The following ITGA10 variants were observed in gnomAD, a reference collection of about 807,000 sequenced individuals.
ITGA10 encodes the protein integrin alpha-10.
ITGA10 carries 105 observed loss-of-function variants against 145.2 expected under a neutral mutation model. The ratio of observed to expected loss-of-function variants is 0.72; its 90% CI spans 0.62 to 0.85. ITGA10 has a LOEUF of 0.85. Ranked by LOEUF, ITGA10 falls within the 40% of genes least tolerant of loss-of-function variation. The pLI, the probability that ITGA10 is intolerant of heterozygous loss-of-function variation, is 0.00. For synonymous variants in ITGA10, 506 were observed against 557.8 expected, an observed-to-expected ratio of 0.91 and a Z score of 1.31; for missense variants, 1,317 against 1,444.5, an observed-to-expected ratio of 0.91 and a Z score of 1.43.
Position 145,900,999 on chromosome 1 carries a change from G to T in ITGA10, c.1588-6C>A. 6.2e-7 allele frequency: 1 copy of T among 1,614,010 alleles called. No homozygotes were observed. Among genetic ancestry groups the T allele is most frequent in the Non-Finnish European group, 8.5e-7 (1 of 1,179,974 alleles). ...TGGAGGGTCAGCAAGGACTGCTGGT[G>T]GAGGAGAGAAGATAGAAGATGCTAA... On this transcript the variant is annotated splice_region_variant and splice_polypyrimidine_tract_variant and intron_variant, in intron 13 of 29. Transcript: ENST00000369304.
chr1:145,895,774 G>C, intron 25 of ITGA10, 63 bp from the exon 26 acceptor site: 1 of 1,436,196 alleles, frequency 7.0e-7, no homozygotes, highest in Admixed American at 1.7e-5. Flanking sequence ...TCAAGGCTGA[G>C]TTGGAACATA....
At position 145,902,273 on chromosome 1, in the gene ITGA10, C is replaced by A; in HGVS notation, c.1122G>T (p.Gln374His). The A allele has an allele frequency of 2.5e-6, 4 of 1,614,158 alleles. No individual in the cohort carries two copies. The highest frequency in any genetic ancestry group is 2.5e-6 in the Non-Finnish European group (3 of 1,180,014). Residue 374 changes from glutamine (Q) to histidine (H), a missense_variant, in exon 10 of 30, where the codon CAG becomes CAT. Coordinates refer to ENST00000369304, the MANE Select transcript of ITGA10 (RefSeq NM_003637.5). ...NESSFGLEMS[Q>H]IGFSTHRLKD... is the part of the protein sequence containing the mutation. ...TTAGCCGATGAGTGGAGAAACCAAT[C>A]TGAGACATTTCCAGCCCAAAGGAGC...
chr1:145,902,979 T>G lies in ITGA10; in HGVS notation c.759-18A>C. The G allele has an allele frequency of 1.9e-6, 3 of 1,561,230 alleles. No homozygotes were observed. Among genetic ancestry groups the G allele is most frequent in the Middle Eastern group, 1.7e-4 (1 of 5,782 alleles). ...CTTCTGTGCTGAGAAGAGAAAGGAG[T>G]GAGGTGAGATCAGATGTATGCAGAC... On this transcript the variant is annotated intron_variant, in intron 7 of 29. Transcript: ENST00000369304.
At chr1:145,909,490 T>C (rs1657577124) in intron 1 of ITGA10, among the ~76,000 whole-genome samples, 5 of 125,934 alleles carry the variant, frequency 4.0e-5, no homozygotes, top group African/African-American at 1.5e-4. Context: ...ATATTATATA[T>C]AATATATAAT....
At position 145,906,481 on chromosome 1, in the gene ITGA10, A is replaced by G; in HGVS notation, c.394T>C (p.Cys132Arg). 6.2e-7 allele frequency: 1 copy of G among 1,614,120 alleles called. No individual in the cohort carries two copies. ...CCAGAACTGAAGACAGAGCTGCCAC[A>G]AGCACGAGACCAGAGAGGGGCACAG... The part of the protein sequence containing the change: ...MACAPLWSRA[C>R]GSSVFSSGIC... The change falls in exon 5 of 30, where the codon TGT (cysteine) becomes CGT (arginine). Residue 132 changes from cysteine (C) to arginine (R), a missense_variant. Cys to Arg is a radical substitution (Grantham distance 180, BLOSUM62 -3). Transcript: ENST00000369304.
chr1:145,893,640 G>T lies in ITGA10; in HGVS notation c.3229-5C>A. 6.2e-7 allele frequency: 1 copy of T among 1,606,452 alleles called. No homozygotes were observed. The highest frequency in any genetic ancestry group is 1.1e-5 in the South Asian group (1 of 90,496). ...CGTCAGGGACTTGAACTTGGCCTAT[G>T]GAACAAGTGGATAGGAAGACATTTA... On this transcript the variant is annotated splice_region_variant and splice_polypyrimidine_tract_variant and intron_variant, in intron 27 of 29. Coordinates refer to ENST00000369304, the MANE Select transcript of ITGA10 (RefSeq NM_003637.5).
chr1:145,900,258 T>C, intron 14 of ITGA10, 71 bp from the exon 15 acceptor site: 1 of 1,437,302 alleles, frequency 7.0e-7, no homozygotes, highest in Non-Finnish European at 9.4e-7. Flanking sequence ...TGCCTTGCTC[T>C]TTCTTTTTAT....
chr1:145,896,903 G>A, intron 22 of ITGA10, 45 bp from the exon 23 acceptor site: 1 of 1,555,038 alleles, frequency 6.4e-7, no homozygotes, highest in African/African-American at 1.4e-5. Context: ...CCCCTCCTCA[G>A]AAGACACCCT....
chr1:145,902,147 G>A, intron 10 of ITGA10, 99 bp downstream of exon 10: 1 of 1,561,008 alleles, frequency 6.4e-7, no homozygotes, highest in Non-Finnish European at 8.8e-7. Flanking sequence ...GGGAAGGTGA[G>A]CATGGAGGCT....
At chr1:145,908,137 G>GCT (rs1264765017) in intron 1 of ITGA10, among the ~76,000 whole-genome samples, 4 of 152,016 alleles carry the variant, frequency 2.6e-5, no homozygotes, top group African/African-American at 9.7e-5. Flanking sequence ...AGAGGGAGAG[G>GCT]GCCTTTCTGT....
chr1:145,900,268 T>C, intron 14 of ITGA10, 81 bp from the exon 15 acceptor site: 3 of 1,400,840 alleles, frequency 2.1e-6, no homozygotes, highest in South Asian at 3.0e-5. Flanking sequence ...TTTCTTTTTA[T>C]TTATTTATTT....
chr1:145,893,268 A>T lies in ITGA10; in HGVS notation c.3331T>A (p.Leu1111Met). 4.3e-6 allele frequency: 7 copies of T among 1,611,306 alleles called. No individual in the cohort carries two copies. The highest frequency in any genetic ancestry group is 5.9e-6 in the Non-Finnish European group (7 of 1,177,430). ...TEASRWSESL[L>M]EVVQTRPILI... ...ATAGGCCGGGTCTGAACCACCTCCA[A>T]GAGGCTCTGCGTGGACAGAAGAGTA... is the stretch of plus-strand genomic sequence containing the variant. Residue 1111 changes from leucine (L) to methionine (M), a missense_variant, in exon 29 of 30, where the codon TTG becomes ATG. Leu to Met is a conservative substitution (Grantham distance 15). Transcript: ENST00000369304.
rs782763265 is a variant in ITGA10 at position 145,906,503 on chromosome 1, A to G, written c.372T>C (p.Cys124=). The G allele has an allele frequency of 1.2e-6, 2 of 1,613,836 alleles. No homozygotes were observed. The highest frequency in any genetic ancestry group is 8.5e-7 in the Non-Finnish European group (1 of 1,179,736). ...ETDGDGGFMA[C]APLWSRACGS... ...CACAAGCACGAGACCAGAGAGGGGC[A>G]CAGGCCTGGGGATGGGGGAAATAGT... The change falls in exon 5 of 30, where the codon TGT becomes TGC. Residue 124 remains cysteine (C), a synonymous_variant. Coordinates refer to ENST00000369304, the MANE Select transcript of ITGA10 (RefSeq NM_003637.5).
At chr1:145,907,839 G>A (rs1002734233) in intron 1 of ITGA10, among the ~76,000 whole-genome samples, 4 of 130,992 alleles carry the variant, frequency 3.1e-5, no homozygotes, top group South Asian at 2.4e-4. Context: ...GCGTGATCTC[G>A]GCTTACTGCA....
intron 27 of ITGA10, among the ~76,000 whole-genome samples, 183 bp from the exon 28 acceptor site, chr1:145,893,818 C>T (rs1363110890): frequency 6.6e-6 from 1 of 152,106 alleles, no homozygotes; most frequent in Non-Finnish European, 1.5e-5. Context: ...AACCCCTGGT[C>T]ACATCTGCTG....
chr1:145,898,027 G>T, intron 18 of ITGA10, 83 bp downstream of exon 18: 1 of 1,303,102 alleles, frequency 7.7e-7, no homozygotes, highest in Non-Finnish European at 1.1e-6. Flanking sequence ...ATTTCACCAT[G>T]ATCTCATGTC....
chr1:145,901,785 A>G lies in ITGA10; in HGVS notation c.1294+92T>C. 1 of 1,568,108 alleles carries G rather than the reference A, an allele frequency of 6.4e-7. No individual in the cohort carries two copies. Among genetic ancestry groups the G allele is most frequent in the Non-Finnish European group, 8.7e-7 (1 of 1,152,518 alleles). ...TAACCAGAGGTCAGTGAGAAACCGC[A>G]TGAGTTAAGAGGGAGTATTTCATAC... On this transcript the variant is annotated intron_variant, in intron 11 of 29. Transcript: ENST00000369304. This position sits in a 1 kb window ranked among gnomAD's most constrained non-coding sequence, Gnocchi z 4.3.
At chr1:145,895,418 A>G in intron 26 of ITGA10, 25 bp from the exon 27 acceptor site, 2 of 1,566,670 alleles carry the variant, frequency 1.3e-6, no homozygotes, top group African/African-American at 2.7e-5. Flanking sequence ...AGAGAGAGAC[A>G]GATCAGGACT....
At chr1:145,902,742 T>C (rs1252846749) in intron 8 of ITGA10, 69 bp downstream of exon 8, 12 of 1,558,730 alleles carry the variant, frequency 7.7e-6, no homozygotes, top group African/African-American at 1.4e-5. Context: ...TTCCCAGTCC[T>C]TGGACAGTTC....
Sources: allele counts gnomAD v4.1 joint callset (sites outside exome capture counted in the v4.1 genomes callset), GRCh38; gene constraint gnomAD v4.1.1; non-coding constraint Gnocchi (gnomAD v3.1); transcripts MANE v1.5; gene names NCBI Gene and HGNC (gene_info 2026-07-23, HGNC 2026-07-21).